The following TLE3 variants were observed in gnomAD, a reference collection of about 807,000 sequenced individuals.
TLE3 encodes TLE family member 3, transcriptional corepressor.
TLE3 carries 14 observed loss-of-function variants against 93.0 expected under a neutral mutation model. The ratio of observed to expected loss-of-function variants is 0.15; its 90% CI spans 0.10 to 0.24. The LOEUF is 0.24. Ranked by LOEUF, TLE3 falls within the 10% of genes least tolerant of loss-of-function variation. The pLI is 1.00. For missense variants in TLE3, 693 were observed against 1,046.6 expected (o/e 0.66, Z 4.66); for synonymous variants, 451 against 425.0 (o/e 1.06, Z -0.75).
At position 70,053,882 on chromosome 15, in the gene TLE3, C is replaced by A. The variant is rs78757887; in HGVS notation, c.1827-508G>T. ...ATGGGGCTGAGGCCATCCATGAACA[C>A]GCTGAATAACACACACAGCCCATGT... On this transcript the variant is annotated intron_variant, in intron 16 of 19. Transcript: ENST00000451782. 6.3e-5 allele frequency: 10 copies of A among 158,458 alleles called. No individual in the cohort carries two copies. The East Asian group carries it at 1.3e-3, about 21-fold the overall frequency. 9.8% of individuals were successfully genotyped at this position (158,458 alleles called of 1,614,324 possible). A position where few individuals can be genotyped will look rare whatever the true frequency, so the allele number is the denominator to read the frequency against.
chr15:70,065,858 T>A, intron 7 of TLE3, 156 bp downstream of exon 7: 1 of 780,898 alleles, frequency 1.3e-6, no homozygotes, highest in Non-Finnish European at 2.0e-6. Flanking sequence ...CGGATGGCAT[T>A]GGCTTCCCTG....
chr15:70,050,469 C>T (rs1194104231), intron 19 of TLE3: 10 of 373,616 alleles, frequency 2.7e-5, no homozygotes, highest in African/African-American at 8.2e-5. Flanking sequence ...CAGTCTCCCA[C>T]GTGATCTTTA....
chr15:70,087,675 A>C (rs567969850), intron 4 of TLE3, among the ~76,000 whole-genome samples: 18 of 152,268 alleles, frequency 1.2e-4, no homozygotes, highest in African/African-American at 4.1e-4. Flanking sequence ...GACAACATAG[A>C]CTTCAGGCCC....
intron 6 of TLE3, 54 bp from the exon 7 acceptor site, chr15:70,066,272 T>A (rs2056812814): frequency 7.1e-7 from 1 of 1,417,964 alleles, no homozygotes; most frequent in Admixed American, 3.0e-5. Flanking sequence ...AGGGGAGGCG[T>A]GGCCACCTCA....
In TLE3 at chr15:70,048,414, C is replaced by T. The variant is rs1407949386; in HGVS notation, c.*1683G>A. ...GAGAGGCACAGGGTGTGTCGCCAGCCTCCACATCCCATGCCCGGTGCGCTC... is the reference window on the plus strand; with the variant it reads ...GAGAGGCACAGGGTGTGTCGCCAGCTTCCACATCCCATGCCCGGTGCGCTC... On this transcript the variant is annotated 3_prime_UTR_variant, in exon 20 of 20. Coordinates refer to ENST00000451782, the MANE Select transcript of TLE3 (RefSeq NM_001105192.3). 6.6e-6 allele frequency: 1 copy of T among 152,204 alleles called. No homozygotes were observed. Among genetic ancestry groups the T allele is most frequent in the Admixed American group, 6.5e-5 (1 of 15,286 alleles). The allele number at this position is 152,204 out of a possible 1,614,324, so 9.4% of individuals were successfully genotyped here.
chr15:70,090,127 G>A (rs1178080304), intron 4 of TLE3, among the ~76,000 whole-genome samples: 1 of 152,160 alleles, frequency 6.6e-6, no homozygotes, highest in Non-Finnish European at 1.5e-5. Flanking sequence ...CAGTCTTGAG[G>A]GGTGGGGCAA....
Position 70,092,521 on chromosome 15 carries a change from A to T in TLE3, c.234+2011T>A, listed in dbSNP as rs746564290. Among the ~76,000 whole-genome samples, 20 of 152,192 alleles carry T rather than the reference A, an allele frequency of 1.3e-4. 1 individual carries two copies. Among genetic ancestry groups the T allele is most frequent in the Admixed American group, 2.6e-4 (4 of 15,276 alleles). Reference sequence around the variant, plus strand: ...GCCCTCCTGGCCTCCCTGAAGCCTCAGTTTCCTCACCTATAAACAGGGGGC... The same window carrying T: ...GCCCTCCTGGCCTCCCTGAAGCCTCTGTTTCCTCACCTATAAACAGGGGGC... On this transcript the variant is annotated intron_variant, in intron 4 of 19. Coordinates refer to ENST00000451782, the MANE Select transcript of TLE3 (RefSeq NM_001105192.3).
At chr15:70,057,361 C>G in intron 13 of TLE3, 98 bp downstream of exon 13, 1 of 1,408,204 alleles carries the variant, frequency 7.1e-7, no homozygotes, top group Admixed American at 2.5e-5. Flanking sequence ...GCCTTGAGAC[C>G]CTGAGGGGCC....
chr15:70,092,802 C>A (rs890408342), intron 4 of TLE3, among the ~76,000 whole-genome samples: 2 of 152,244 alleles, frequency 1.3e-5, no homozygotes, highest in African/African-American at 4.8e-5. Flanking sequence ...AAGCACCATT[C>A]ATTCACAGAC....
rs1284494847 is a variant in TLE3, at chr15:70,058,399, T to C, written c.919-108A>G. ...CGTGAAGCCCAGAGCCAGACCCTTA[T>C]GAAGCTTCTGCCGAACAGCCTCTCA... On this transcript the variant is annotated intron_variant, in intron 11 of 19. Coordinates refer to ENST00000451782, the MANE Select transcript of TLE3 (RefSeq NM_001105192.3). This position sits in a 1 kb window ranked among gnomAD's most constrained non-coding sequence, Gnocchi z 4.1. 15 of 1,493,934 alleles carry C rather than the reference T, an allele frequency of 1.0e-5. No individual in the cohort carries two copies. Among genetic ancestry groups the C allele is most frequent in the East Asian group, 2.3e-5 (1 of 43,830 alleles). The allele number at this position is 1,493,934 out of a possible 1,614,324, so 92.5% of individuals were successfully genotyped here. A position where few individuals can be genotyped will look rare whatever the true frequency, so the allele number is the denominator to read the frequency against.
intron 6 of TLE3, among the ~76,000 whole-genome samples, chr15:70,072,013 G>A (rs975210): frequency 0.16 from 24,823 of 152,208 alleles, 2,115 homozygotes; most frequent in African/African-American, 0.18. Context: ...AGCACGACTC[G>A]GCTGTCCGTA....
intron 4 of TLE3, among the ~76,000 whole-genome samples, chr15:70,083,878 G>A (rs2057913753): frequency 6.6e-6 from 1 of 152,128 alleles, no homozygotes; most frequent in Admixed American, 6.5e-5. Context: ...GAGGGGCAGA[G>A]ACAGAGCCCC....
intron 4 of TLE3, among the ~76,000 whole-genome samples, chr15:70,080,661 C>T (rs1440720247): frequency 6.6e-6 from 1 of 152,198 alleles, no homozygotes; most frequent in Non-Finnish European, 1.5e-5. Flanking sequence ...TTTGCATGAT[C>T]ATCTCCTCAT....
rs776717362 is a variant in TLE3 at position 70,095,685 on chromosome 15, GCCT to G, written c.126-47_126-45del. On this transcript the variant is annotated intron_variant, in intron 2 of 19. Transcript: ENST00000451782. ...CCGGCTCAGGCGTGGCGCCTGGACAGCCTCCTCTGAGGCCCCGACCCAAGGGCC... is the reference window on the plus strand; with the variant it reads ...CCGGCTCAGGCGTGGCGCCTGGACAGCCTCTGAGGCCCCGACCCAAGGGCC... The G allele has an allele frequency of 6.5e-6, 10 of 1,548,526 alleles. No homozygotes were observed. In the South Asian group the frequency reaches 1.2e-4, roughly 18 times the overall value.
At chr15:70,065,815 C>T (rs754064245) in intron 7 of TLE3, among the ~76,000 whole-genome samples, 199 bp downstream of exon 7, 2 of 152,342 alleles carry the variant, frequency 1.3e-5, no homozygotes, top group African/African-American at 2.4e-5. Flanking sequence ...ATACCAGGTC[C>T]ACACCAAGGA....
At chr15:70,052,326 T>C (rs770267590) in intron 18 of TLE3, 48 bp downstream of exon 18, 1 of 1,596,594 alleles carries the variant, frequency 6.3e-7, no homozygotes, top group East Asian at 2.2e-5. Flanking sequence ...CAGGCTGCCC[T>C]GGGTTCCCCA....
intron 7 of TLE3, 41 bp downstream of exon 7, chr15:70,065,973 A>ACCCCTTCCCCCCCCCCC: frequency 1.2e-6 from 1 of 806,250 alleles, no homozygotes. Context: ...GCCCATGCCC[A>ACCCCTTCCCCCCCCCCC]CCCCTGCCCC....
At chr15:70,092,901 T>G (rs1015267171) in intron 4 of TLE3, among the ~76,000 whole-genome samples, 3 of 152,118 alleles carry the variant, frequency 2.0e-5, no homozygotes, top group Admixed American at 1.3e-4. Context: ...TGCTATAAAT[T>G]TTAAACCTGG....
chr15:70,093,212 C>T (rs1192489369), intron 4 of TLE3, among the ~76,000 whole-genome samples: 2 of 152,184 alleles, frequency 1.3e-5, no homozygotes, highest in Non-Finnish European at 2.9e-5. Context: ...ACTAACTAAT[C>T]CCTCAGGAAG....
Sources: gnomAD v4.1 joint callset for allele counts (sites outside exome capture counted in the v4.1 genomes callset) on GRCh38, gnomAD v4.1.1 for gene constraint, Gnocchi (gnomAD v3.1) non-coding constraint, MANE v1.5 for transcripts, NCBI Gene and HGNC (gene_info 2026-07-23, HGNC 2026-07-21) for gene names.